The following ZNF831 variants were observed in gnomAD, a reference collection of about 807,000 sequenced individuals.
The protein encoded by ZNF831 is zinc finger protein 831.
In ZNF831, 59 loss-of-function variants were observed where a neutral mutation model predicts 95.8. The ratio of observed to expected loss-of-function variants is 0.62; its 90% CI spans 0.50 to 0.77. ZNF831 has a LOEUF of 0.77. ZNF831 is among the 30% of genes least tolerant of loss of function. The probability of loss-of-function intolerance (pLI) is 0.00; values close to 1 mark genes in which losing one functional copy is unlikely to be tolerated. For missense variants in ZNF831, 2,205 were observed against 2,164.0 expected (o/e 1.02, Z -0.38); for synonymous variants, 961 against 925.5 (o/e 1.04, Z -0.70).
intron 4 of ZNF831, among the ~76,000 whole-genome samples, chr20:59,236,315 C>T (rs1986996063): frequency 6.6e-6 from 1 of 152,194 alleles, no homozygotes; most frequent in South Asian, 2.1e-4. Context: ...TTTCATCTCT[C>T]TCCTCTCCCA....
rs781219438 is a variant in ZNF831 at position 59,254,030 on chromosome 20, C to G, written c.4321C>G (p.Leu1441Val). The G allele has an allele frequency of 5.0e-6, 8 of 1,614,138 alleles. No homozygotes were observed. In the South Asian group the frequency reaches 8.8e-5, roughly 18 times the overall value. The change falls in exon 6 of 6, where the codon CTT (leucine) becomes GTT (valine). Residue 1441 changes from leucine (L) to valine (V), a missense_variant. Coordinates refer to ENST00000371030, the MANE Select transcript of ZNF831 (RefSeq NM_178457.3). The surrounding 1 kb of genome is among the most constrained non-coding windows in gnomAD (Gnocchi z 4.5). ...CGTGCCTCTACCCCCTGGCAAAGGT[C>G]TTGACCTTGGGTTGCTGGAGACTCA... ...NDVPLPPGKGLDLGLLETQLL... is the reference protein window; with the variant it reads ...NDVPLPPGKGVDLGLLETQLL...
At chr20:59,232,271 G>GA (rs11475310) in intron 4 of ZNF831, among the ~76,000 whole-genome samples, 4 of 151,844 alleles carry the variant, frequency 2.6e-5, no homozygotes, top group Admixed American at 6.6e-5. Context: ...TTTTAAAGAA[G>GA]AAAAAAACCG....
intron 4 of ZNF831, among the ~76,000 whole-genome samples, chr20:59,249,665 A>C (rs1408998879): frequency 6.6e-6 from 1 of 152,158 alleles, no homozygotes; most frequent in Non-Finnish European, 1.5e-5. Flanking sequence ...GGAAGAAAAA[A>C]GCATTGCTAT....
At chr20:59,205,974 A>G (rs1047379766) in intron 3 of ZNF831, among the ~76,000 whole-genome samples, 2 of 152,260 alleles carry the variant, frequency 1.3e-5, no homozygotes, top group East Asian at 3.8e-4. Flanking sequence ...ATGACATGAA[A>G]CAATAGAAAC....
At chr20:59,220,752 T>C (rs1986025534) in intron 4 of ZNF831, among the ~76,000 whole-genome samples, 1 of 152,222 alleles carries the variant, frequency 6.6e-6, no homozygotes, top group Non-Finnish European at 1.5e-5. Context: ...CAAAGTCTCC[T>C]CAACCACCTT....
rs1397239106 is a variant in ZNF831, at chr20:59,208,071, T to A, written c.4027+1015T>A. On this transcript the variant is annotated intron_variant, in intron 4 of 5. Coordinates refer to ENST00000371030, the MANE Select transcript of ZNF831 (RefSeq NM_178457.3). This position sits in a 1 kb window ranked among gnomAD's most constrained non-coding sequence, Gnocchi z 4.2. ...GAGAGAATTTAAATCCAGGCAAGAA[T>A]TCATCTTACAGTTGGGGCCAGTTGT... Among the ~76,000 whole-genome samples the A allele has an allele frequency of 6.6e-6, 1 of 152,248 alleles. No individual in the cohort carries two copies. The highest frequency in any genetic ancestry group is 1.5e-5 in the Non-Finnish European group (1 of 68,048).
intron 1 of ZNF831, among the ~76,000 whole-genome samples, chr20:59,182,841 G>A (rs923489371): frequency 1.2e-4 from 18 of 152,206 alleles, no homozygotes; most frequent in African/African-American, 4.3e-4. Flanking sequence ...GACAGGAAGT[G>A]GGCAGCCTCC....
At position 59,192,915 on chromosome 20, in the gene ZNF831, C is replaced by T. The variant is rs757985455; in HGVS notation, c.1896C>T (p.Tyr632=). 6 of 1,600,006 alleles carry T rather than the reference C, an allele frequency of 3.7e-6. No individual in the cohort carries two copies. Among genetic ancestry groups the T allele is most frequent in the Non-Finnish European group, 5.1e-6 (6 of 1,173,702 alleles). ...GGGATGAGACGTTCAAAAGGATCTA[C>T]CAGAAAATGAAAGCCAGTCCCCATG... ...VYGDETFKRI[Y]QKMKASPHGG... The change falls in exon 2 of 6, where the codon TAC becomes TAT. Residue 632 remains tyrosine (Y), a synonymous_variant. Coordinates refer to ENST00000371030, the MANE Select transcript of ZNF831 (RefSeq NM_178457.3). The surrounding 1 kb of genome is among the most constrained non-coding windows in gnomAD (Gnocchi z 5.2).
intron 1 of ZNF831, among the ~76,000 whole-genome samples, chr20:59,135,767 G>A (rs148603088): frequency 1.7e-4 from 26 of 152,296 alleles, no homozygotes; most frequent in African/African-American, 6.3e-4. Flanking sequence ...GCATGATGGT[G>A]CATGCCTGTG....
At chr20:59,150,664 A>G (rs1980177453) in intron 2 of ZNF831, among the ~76,000 whole-genome samples, 4 of 152,152 alleles carry the variant, frequency 2.6e-5, no homozygotes. Context: ...TGAGAATAAC[A>G]AACAGCCCAC....
At chr20:59,200,436 G>C (rs773940202) in intron 3 of ZNF831, among the ~76,000 whole-genome samples, 4 of 151,906 alleles carry the variant, frequency 2.6e-5, no homozygotes, top group Non-Finnish European at 5.9e-5. Context: ...AATTTTACCA[G>C]TTTTTAAATC....
rs183201424 is a variant in ZNF831 at position 59,233,276 on chromosome 20, G to A, written c.4028-19702G>A. Reference sequence around the variant, plus strand: ...CCCTTCCCATTCAGTACTGGGCACAGGACAGTGGCTGGCGCAGTGAGCTCA... The same window carrying A: ...CCCTTCCCATTCAGTACTGGGCACAAGACAGTGGCTGGCGCAGTGAGCTCA... On this transcript the variant is annotated intron_variant, in intron 4 of 5. Coordinates refer to ENST00000371030, the MANE Select transcript of ZNF831 (RefSeq NM_178457.3). Among the ~76,000 whole-genome samples, 27 of 152,248 alleles carry A rather than the reference G, an allele frequency of 1.8e-4. No homozygotes were observed. In the East Asian group the frequency reaches 4.8e-3, roughly 27 times the overall value.
At chr20:59,251,705 A>T (rs1987896289) in intron 4 of ZNF831, among the ~76,000 whole-genome samples, 1 of 152,248 alleles carries the variant, frequency 6.6e-6, no homozygotes, top group Non-Finnish European at 1.5e-5. Context: ...TCAAGGAAAC[A>T]TTTCTCACAG....
At chr20:59,177,894 G>T (rs565630656) in intron 1 of ZNF831, among the ~76,000 whole-genome samples, 1 of 152,338 alleles carries the variant, frequency 6.6e-6, no homozygotes, top group South Asian at 2.1e-4. Flanking sequence ...GAGTAGCAAA[G>T]TGCCCTTGCA....
chr20:59,224,761 A>G (rs1986325100), intron 4 of ZNF831, among the ~76,000 whole-genome samples: 1 of 152,262 alleles, frequency 6.6e-6, no homozygotes, highest in East Asian at 1.9e-4. Context: ...TGATTCCAAA[A>G]GGGCAGCCCA....
chr20:59,202,324 CTTT>C (rs546706863), intron 3 of ZNF831, among the ~76,000 whole-genome samples: 102 of 117,942 alleles, frequency 8.6e-4, no homozygotes, highest in African/African-American at 3.6e-3. Flanking sequence ...TATTTTCAAC[CTTT>C]TTTTTTTTTT....
intron 4 of ZNF831, among the ~76,000 whole-genome samples, chr20:59,227,381 GT>G (rs1986488564): frequency 6.6e-6 from 1 of 152,170 alleles, no homozygotes; most frequent in East Asian, 1.9e-4. Flanking sequence ...AGTGTCATAG[GT>G]GCTCTGAGAT....
Position 59,141,171 on chromosome 20 carries a change from A to C in ZNF831, c.-1424-5060A>C, listed in dbSNP as rs549434768. 3.3e-5 allele frequency among the ~76,000 whole-genome samples: 5 copies of C among 152,240 alleles called. No individual in the cohort carries two copies. In the South Asian group the frequency reaches 8.3e-4, roughly 25 times the overall value. Reference sequence around the variant, plus strand: ...CACCTTGGCCTCCCAAAGTGTTGGGATTACAGGCATGAGCCATGGCACCCA... The same window carrying C: ...CACCTTGGCCTCCCAAAGTGTTGGGCTTACAGGCATGAGCCATGGCACCCA... On this transcript the variant is annotated intron_variant, in intron 1 of 7. Transcript: ENST00000637017.
rs1183705753 is a variant in ZNF831 at position 59,254,041 on chromosome 20, G to A, written c.4332G>A (p.Gly1444=). Reference sequence around the variant, plus strand: ...CCCCTGGCAAAGGTCTTGACCTTGGGTTGCTGGAGACTCAGCTGCTGGCCT... The same window carrying A: ...CCCCTGGCAAAGGTCTTGACCTTGGATTGCTGGAGACTCAGCTGCTGGCCT... ...PLPPGKGLDL[G]LLETQLLASQ... Residue 1444 remains glycine (G), a synonymous_variant, in exon 6 of 6, where the codon GGG becomes GGA. Coordinates refer to ENST00000371030, the MANE Select transcript of ZNF831 (RefSeq NM_178457.3). This position sits in a 1 kb window ranked among gnomAD's most constrained non-coding sequence, Gnocchi z 4.5. The A allele has an allele frequency of 6.2e-7, 1 of 1,614,084 alleles. No homozygotes were observed. The highest frequency in any genetic ancestry group is 2.2e-5 in the East Asian group (1 of 44,868).
Sources: gnomAD v4.1 joint callset for allele counts (sites outside exome capture counted in the v4.1 genomes callset) on GRCh38, gnomAD v4.1.1 for gene constraint, Gnocchi (gnomAD v3.1) non-coding constraint, MANE v1.5 for transcripts, NCBI Gene and HGNC (gene_info 2026-07-23, HGNC 2026-07-21) for gene names.